The following RPS6KC1 variants were observed in gnomAD, a reference collection of about 807,000 sequenced individuals.
RPS6KC1 encodes ribosomal protein S6 kinase C1.
A neutral mutation model predicts 103.8 loss-of-function variants in RPS6KC1; 54 were observed. The observed-to-expected ratio is 0.52, with a 90% CI of 0.42 to 0.65. The LOEUF is 0.65. Ranked by LOEUF, RPS6KC1 falls within the 30% of genes least tolerant of loss-of-function variation. The pLI, the probability that RPS6KC1 is intolerant of heterozygous loss-of-function variation, is 0.00. For missense variants in RPS6KC1, 1,151 were observed against 1,253.8 expected, an observed-to-expected ratio of 0.92 and a Z score of 1.24; for synonymous variants, 439 against 438.7, an observed-to-expected ratio of 1.00 and a Z score of -0.01.
the RPS6KC1 span, among the ~76,000 whole-genome samples, chr1:213,508,061 G>C: frequency 6.6e-6 from 1 of 152,166 alleles, no homozygotes; most frequent in Admixed American, 6.5e-5. Flanking sequence ...CCAGCCACTT[G>C]TATTTAAATA....
chr1:213,076,934 G>A (rs1176857825), intron 2 of RPS6KC1, among the ~76,000 whole-genome samples: 2 of 151,016 alleles, frequency 1.3e-5, no homozygotes, highest in African/African-American at 4.9e-5. Flanking sequence ...CAGTGGCACT[G>A]TGTCGGCTCA....
intron 12 of RPS6KC1, among the ~76,000 whole-genome samples, chr1:213,254,010 A>G (rs995487002): frequency 6.6e-6 from 1 of 152,196 alleles, no homozygotes; most frequent in African/African-American, 2.4e-5. Flanking sequence ...AATATGGGCT[A>G]CCAAGACAGC....
the RPS6KC1 span, among the ~76,000 whole-genome samples, chr1:213,529,855 A>T: frequency 7.4e-4 from 112 of 152,226 alleles, no homozygotes; most frequent in African/African-American, 2.7e-3. Context: ...CTGGTAGGCC[A>T]ATTCTCCTCT....
At chr1:213,768,453 C>A in the RPS6KC1 span, among the ~76,000 whole-genome samples, 2 of 152,064 alleles carry the variant, frequency 1.3e-5, no homozygotes, top group African/African-American at 2.4e-5. Context: ...TCACAAGCGC[C>A]TATTTATAGA....
chr1:213,845,893 G>A, the RPS6KC1 span, among the ~76,000 whole-genome samples: 1 of 152,064 alleles, frequency 6.6e-6, no homozygotes, highest in South Asian at 2.1e-4. Context: ...ATTCCTCCCT[G>A]TAGATCCTGG....
chr1:213,641,252 T>C, the RPS6KC1 span, among the ~76,000 whole-genome samples: 5 of 152,074 alleles, frequency 3.3e-5, no homozygotes, highest in African/African-American at 4.8e-5. Context: ...ATCTGCATCA[T>C]CTCCTTGGTG....
chr1:213,583,237 T>C, the RPS6KC1 span, among the ~76,000 whole-genome samples: 12 of 152,374 alleles, frequency 7.9e-5, no homozygotes, highest in Non-Finnish European at 1.6e-4. Context: ...CACAAATCTT[T>C]GCATGAACAT....
intron 6 of RPS6KC1, among the ~76,000 whole-genome samples, chr1:213,131,032 C>T (rs887847956): frequency 2.0e-5 from 3 of 151,840 alleles, no homozygotes; most frequent in African/African-American, 7.3e-5. Context: ...TTTTTGACTG[C>T]CATGTTAATA....
chr1:213,466,734 G>A, the RPS6KC1 span, among the ~76,000 whole-genome samples: 1 of 152,072 alleles, frequency 6.6e-6, no homozygotes, highest in Non-Finnish European at 1.5e-5. Context: ...AGTGTCTCTG[G>A]TTCAGAGTCT....
the RPS6KC1 span, among the ~76,000 whole-genome samples, chr1:213,447,968 T>C: frequency 1.3e-5 from 2 of 152,156 alleles, no homozygotes; most frequent in Non-Finnish European, 2.9e-5. Context: ...TGGGGGCTCA[T>C]GCCTGTAATC....
chr1:213,662,081 T>C, the RPS6KC1 span, among the ~76,000 whole-genome samples: 8 of 152,172 alleles, frequency 5.3e-5, no homozygotes, highest in South Asian at 1.7e-3. Flanking sequence ...ACCCAATGTT[T>C]CTAGGTCTTT....
intron 7 of RPS6KC1, among the ~76,000 whole-genome samples, chr1:213,175,461 A>G (rs749786325): frequency 6.6e-6 from 1 of 152,204 alleles, no homozygotes; most frequent in Non-Finnish European, 1.5e-5. Context: ...TAAGTAAGTA[A>G]TAAGGCTTTG....
chr1:213,654,345 C>G, the RPS6KC1 span, among the ~76,000 whole-genome samples: 2 of 152,104 alleles, frequency 1.3e-5, no homozygotes, highest in Admixed American at 6.6e-5. Context: ...TGTCAAGTAA[C>G]TTTTCAAATG....
chr1:213,761,385 C>T, the RPS6KC1 span, among the ~76,000 whole-genome samples: 1 of 152,184 alleles, frequency 6.6e-6, no homozygotes, highest in Non-Finnish European at 1.5e-5. Context: ...TTCTCTTTTA[C>T]AGACTTTTGA....
At chr1:213,310,105 G>A in the RPS6KC1 span, among the ~76,000 whole-genome samples, 1 of 152,076 alleles carries the variant, frequency 6.6e-6, no homozygotes, top group Non-Finnish European at 1.5e-5. Flanking sequence ...GCCCATCCTC[G>A]GGTGTCCTGC....
At chr1:213,819,203 T>C in the RPS6KC1 span, 1 of 152,274 alleles carries the variant, frequency 6.6e-6, no homozygotes, top group East Asian at 1.9e-4. Context: ...AACACAGCTC[T>C]CTGCCTCCAG....
At chr1:213,180,057 T>A (rs1040602130) in intron 8 of RPS6KC1, among the ~76,000 whole-genome samples, 1 of 152,202 alleles carries the variant, frequency 6.6e-6, no homozygotes. Context: ...GAGAAGTAAA[T>A]GACTTTCTGT....
the RPS6KC1 span, among the ~76,000 whole-genome samples, chr1:213,416,691 G>A: frequency 6.6e-6 from 1 of 152,210 alleles, no homozygotes; most frequent in Non-Finnish European, 1.5e-5. Context: ...CTGAACATGA[G>A]CTAGTCAGGC....
At chr1:213,677,573 G>A in the RPS6KC1 span, among the ~76,000 whole-genome samples, 60 of 152,310 alleles carry the variant, frequency 3.9e-4, no homozygotes, top group Non-Finnish European at 6.6e-4. Context: ...ATGTAAACCC[G>A]GAGTTCAGAA....
Sources: allele counts gnomAD v4.1 joint callset (sites outside exome capture counted in the v4.1 genomes callset), GRCh38; gene constraint gnomAD v4.1.1; transcripts MANE v1.5; gene names NCBI Gene and HGNC (gene_info 2026-07-23, HGNC 2026-07-21).